The following PRPF6 variants were observed in gnomAD, a reference collection of about 807,000 sequenced individuals.
PRPF6 encodes the protein pre-mRNA processing factor 6.
Under a neutral mutation model 118.3 loss-of-function variants are expected in PRPF6, and 42 were observed. That is an observed-to-expected ratio of 0.35 (90% CI 0.28 to 0.46). PRPF6 has a LOEUF of 0.46. PRPF6 is among the 20% of genes least tolerant of loss of function. The pLI is 1.00. For synonymous variants in PRPF6, 481 were observed against 485.1 expected (o/e 0.99, Z 0.11); for missense variants, 662 against 1,255.7 (o/e 0.53, Z 7.15).
At chr20:63,989,705 G>A (rs2059110210) in intron 3 of PRPF6, among the ~76,000 whole-genome samples, 1 of 151,558 alleles carries the variant, frequency 6.6e-6, no homozygotes, top group Non-Finnish European at 1.5e-5. Flanking sequence ...AGTAGAGACG[G>A]GGTTTCACCA....
At position 64,027,023 on chromosome 20, in the gene PRPF6, C is replaced by T. The variant is rs200823361; in HGVS notation, c.2070C>T (p.Asn690=). ...KSVKLEWVQD[N]IRAAQDLCEE... ...TGAAGCTGGAGTGGGTGCAAGACAA[C>T]ATCAGGGCAGCCCAAGATCTGTGCG... Residue 690 remains asparagine (N), a synonymous_variant, in exon 16 of 21, where the codon AAC becomes AAT. Coordinates refer to ENST00000266079, the MANE Select transcript of PRPF6 (RefSeq NM_012469.4). The surrounding 1 kb of genome is among the most constrained non-coding windows in gnomAD (Gnocchi z 6.5). 1.2e-5 allele frequency: 20 copies of T among 1,614,038 alleles called. No individual in the cohort carries two copies. Among genetic ancestry groups the T allele is most frequent in the Non-Finnish European group, 1.6e-5 (19 of 1,180,038 alleles).
intron 3 of PRPF6, among the ~76,000 whole-genome samples, chr20:63,986,384 G>A (rs1318398949): frequency 6.7e-6 from 1 of 150,354 alleles, no homozygotes; most frequent in Non-Finnish European, 1.5e-5. Context: ...TCATGACCAA[G>A]TGGCATTTTG....
chr20:63,993,226 ATGTGTGTGTGTGTG>A (rs61077852), intron 3 of PRPF6, among the ~76,000 whole-genome samples, 167 bp from the exon 4 acceptor site: 3 of 129,336 alleles, frequency 2.3e-5, no homozygotes, highest in East Asian at 2.3e-4. Flanking sequence ...AAAAAAAAAA[ATGTGTGTGTGTGTG>A]TGTGTGTGTG....
chr20:64,030,593 G>T (rs1259014896), intron 19 of PRPF6, among the ~76,000 whole-genome samples: 1 of 152,104 alleles, frequency 6.6e-6, no homozygotes, highest in Non-Finnish European at 1.5e-5. Flanking sequence ...TGCTACCTTG[G>T]TCCTGCCCTG....
chr20:63,994,603 C>G (rs1294681715), intron 4 of PRPF6, among the ~76,000 whole-genome samples: 1 of 152,134 alleles, frequency 6.6e-6, no homozygotes, highest in Admixed American at 6.6e-5. Context: ...GAGAACCTGT[C>G]TTTACAAAAA....
intron 14 of PRPF6, among the ~76,000 whole-genome samples, chr20:64,025,001 G>A (rs1479362719): frequency 6.6e-6 from 1 of 152,168 alleles, no homozygotes; most frequent in Non-Finnish European, 1.5e-5. Flanking sequence ...TATTCAGACC[G>A]CCTCACTGAG....
In PRPF6 at chr20:64,027,128, G is replaced by C. The variant is rs1232707727; in HGVS notation, c.2175G>C (p.Met725Ile). 1 of 1,613,930 alleles carries C rather than the reference G, an allele frequency of 6.2e-7. No homozygotes were observed. Among genetic ancestry groups the C allele is most frequent in the East Asian group, 2.2e-5 (1 of 44,882 alleles). Residue 725 changes from methionine to isoleucine, a missense_variant, in exon 16 of 21, where the codon ATG (methionine) becomes ATC (isoleucine). Met to Ile is a conservative substitution (Grantham distance 10, BLOSUM62 1). Transcript: ENST00000266079. The surrounding 1 kb of genome is among the most constrained non-coding windows in gnomAD (Gnocchi z 6.5). ...AGATCGAGGAGCAGAAGGAGATGAT[G>C]GAGAAGGCGCGGGAAGCCTATAACC... is the stretch of plus-strand genomic sequence containing the variant. ...KGQIEEQKEM[M>I]EKAREAYNQG...
Position 64,029,429 on chromosome 20 carries a change from C to T in PRPF6, c.2484C>T (p.Thr828=). ...TCGAGGCAAGGCCCCAGAGGAGGAC[C>T]AAGAGCGTGGATGCCCTGAAGAAGT... ...IFLEARPQRR[T]KSVDALKKCE... The change falls in exon 19 of 21, where the codon ACC becomes ACT. Residue 828 remains threonine, a synonymous_variant. Transcript: ENST00000266079. This position sits in a 1 kb window ranked among gnomAD's most constrained non-coding sequence, Gnocchi z 4.8. 3 of 1,614,224 alleles carry T rather than the reference C, an allele frequency of 1.9e-6. No individual in the cohort carries two copies.
At chr20:63,995,557 T>C (rs946317542) in intron 6 of PRPF6, 75 bp downstream of exon 6, 10 of 1,523,162 alleles carry the variant, frequency 6.6e-6, no homozygotes, top group Non-Finnish European at 8.1e-6. Flanking sequence ...TTTTTCTCCT[T>C]CTTCTTCTTC....
chr20:63,999,216 T>A (rs1369471648), intron 7 of PRPF6, 77 bp downstream of exon 7: 2 of 1,205,628 alleles, frequency 1.7e-6, no homozygotes, highest in Non-Finnish European at 2.5e-6. Flanking sequence ...ATATGGACAG[T>A]ATGCTGTCAA....
In PRPF6 at chr20:64,029,343, G is replaced by T. The variant is rs2059304789; in HGVS notation, c.2432-34G>T. ...CACCTTTCCGGAACCAGAGGCTGGA[G>T]TGCAAATCTTTGTTCTTTGTTTCTG... On this transcript the variant is annotated intron_variant, in intron 18 of 20. Transcript: ENST00000266079. This position sits in a 1 kb window ranked among gnomAD's most constrained non-coding sequence, Gnocchi z 4.8. 2 of 1,597,568 alleles carry T rather than the reference G, an allele frequency of 1.3e-6. No homozygotes were observed. The highest frequency in any genetic ancestry group is 8.6e-7 in the Non-Finnish European group (1 of 1,165,506).
chr20:63,998,980 C>T, intron 6 of PRPF6, 65 bp from the exon 7 acceptor site: 1 of 1,189,766 alleles, frequency 8.4e-7, no homozygotes, highest in Non-Finnish European at 1.2e-6. Flanking sequence ...CACCAGGGAC[C>T]CTCTGAGAAC....
chr20:64,011,000 C>G (rs759250319), intron 10 of PRPF6, among the ~76,000 whole-genome samples: 1 of 152,168 alleles, frequency 6.6e-6, no homozygotes, highest in Non-Finnish European at 1.5e-5. Context: ...TGTGCCAGCC[C>G]CTGGTATCAG....
At chr20:64,003,876 G>A (rs546610605) in intron 9 of PRPF6, among the ~76,000 whole-genome samples, 1 of 152,320 alleles carries the variant, frequency 6.6e-6, no homozygotes, top group East Asian at 1.9e-4. Flanking sequence ...GGGATTACAG[G>A]CGTGAGCCAC....
Position 64,028,430 on chromosome 20 carries a change from G to A in PRPF6, c.2340-48G>A. On this transcript the variant is annotated intron_variant, in intron 17 of 20. Coordinates refer to ENST00000266079, the MANE Select transcript of PRPF6 (RefSeq NM_012469.4). The surrounding 1 kb of genome is among the most constrained non-coding windows in gnomAD (Gnocchi z 6.5). ...GGCTTCCCAGAAGCTACCAGAATAT[G>A]TGCTGTTGGTAGACGGCTGTGGGAC... is the stretch of plus-strand genomic sequence containing the variant. 1 of 1,588,996 alleles carries A rather than the reference G, an allele frequency of 6.3e-7. No individual in the cohort carries two copies. Among genetic ancestry groups the A allele is most frequent in the Non-Finnish European group, 8.6e-7 (1 of 1,157,850 alleles).
intron 9 of PRPF6, among the ~76,000 whole-genome samples, chr20:64,001,982 T>A (rs1203181335): frequency 6.6e-6 from 1 of 151,372 alleles, no homozygotes; most frequent in African/African-American, 2.4e-5. Flanking sequence ...GCAGGTGGCT[T>A]CTTTTTTTTC....
At chr20:64,002,399 G>A (rs567021343) in intron 9 of PRPF6, among the ~76,000 whole-genome samples, 2 of 149,238 alleles carry the variant, frequency 1.3e-5, no homozygotes, top group East Asian at 2.0e-4. Flanking sequence ...ACAGGGGCAC[G>A]ATCTTGGCTC....
At position 63,999,911 on chromosome 20, in the gene PRPF6, C is replaced by CTTTTTCCT. The variant is rs2059158895; in HGVS notation, c.1023+153_1023+160dup. On this transcript the variant is annotated intron_variant, in intron 8 of 20. Transcript: ENST00000266079. ...GGAGGATGTGAAAAGCAGCCAAGGG[C>CTTTTTCCT]TTTTTCCTGCTTGTTTTCATGTGGA... is the stretch of plus-strand genomic sequence containing the variant. 7 of 979,096 alleles carry CTTTTTCCT rather than the reference C, an allele frequency of 7.1e-6. No individual in the cohort carries two copies. In the East Asian group the frequency reaches 1.9e-4, roughly 26 times the overall value. The allele number at this position is 979,096 out of a possible 1,614,324, so 60.7% of individuals were successfully genotyped here.
intron 11 of PRPF6, among the ~76,000 whole-genome samples, chr20:64,013,052 C>T (rs1313733848): frequency 1.3e-5 from 2 of 151,576 alleles, no homozygotes; most frequent in South Asian, 2.1e-4. Context: ...GCAACCTCCA[C>T]CTCTTGGGTT....
Sources: allele counts gnomAD v4.1 joint callset (sites outside exome capture counted in the v4.1 genomes callset), GRCh38; gene constraint gnomAD v4.1.1; non-coding constraint Gnocchi (gnomAD v3.1); transcripts MANE v1.5; gene names NCBI Gene and HGNC (gene_info 2026-07-23, HGNC 2026-07-21).